XYLT1: variants seen among roughly 807,000 people sequenced by gnomAD.
XYLT1 encodes the protein beta-D-xylosyltransferase 1.
A neutral mutation model predicts 91.3 loss-of-function variants in XYLT1; 36 were observed. The ratio of observed to expected loss-of-function variants is 0.39; its 90% confidence interval spans 0.30 to 0.52. The LOEUF is 0.52. XYLT1 is among the 20% of genes least tolerant of loss of function. The probability of loss-of-function intolerance (pLI) is 0.68; values close to 1 mark genes in which losing one functional copy is unlikely to be tolerated. For synonymous variants in XYLT1, 588 were observed against 532.0 expected (o/e 1.11, Z -1.45); for missense variants, 1,242 against 1,284.5 (o/e 0.97, Z 0.51).
intron 11 of XYLT1, among the ~76,000 whole-genome samples, chr16:17,110,627 A>G (rs78918077): frequency 0.037 from 5,640 of 152,314 alleles, 173 homozygotes; most frequent in Non-Finnish European, 0.058. Flanking sequence ...GAGAACAGAC[A>G]AATACAGCTA....
chr16:17,187,932 C>T (rs1279998474), intron 5 of XYLT1, among the ~76,000 whole-genome samples: 1 of 152,068 alleles, frequency 6.6e-6, no homozygotes, highest in Non-Finnish European at 1.5e-5. Flanking sequence ...CTCCTAAGAT[C>T]CTTGCATCTC....
At chr16:17,270,421 C>T (rs555001091) in intron 2 of XYLT1, among the ~76,000 whole-genome samples, 6 of 152,318 alleles carry the variant, frequency 3.9e-5, no homozygotes, top group Admixed American at 1.3e-4. Flanking sequence ...ACAGTCACAG[C>T]GCTCAGAGCA....
chr16:17,372,158 T>C (rs911244519), intron 1 of XYLT1, among the ~76,000 whole-genome samples: 1 of 152,240 alleles, frequency 6.6e-6, no homozygotes, highest in Non-Finnish European at 1.5e-5. Context: ...ATCCCATCTC[T>C]GCACTTTGCA....
chr16:17,274,256 T>G (rs1396072225), intron 2 of XYLT1, among the ~76,000 whole-genome samples: 2 of 152,240 alleles, frequency 1.3e-5, no homozygotes, highest in Non-Finnish European at 2.9e-5. Flanking sequence ...TTCTTCTTCA[T>G]ACTATTTTAG....
intron 3 of XYLT1, among the ~76,000 whole-genome samples, chr16:17,254,282 A>T (rs987293725): frequency 2.6e-5 from 4 of 152,214 alleles, no homozygotes; most frequent in African/African-American, 9.6e-5. Flanking sequence ...CAACATAAAG[A>T]CAAGGATGAA....
chr16:17,139,192 T>TGG (rs2030885399), intron 7 of XYLT1, among the ~76,000 whole-genome samples: 2 of 151,920 alleles, frequency 1.3e-5, no homozygotes, highest in African/African-American at 4.8e-5. Flanking sequence ...TGCCAGAGAG[T>TGG]GAGAGAAAGA....
At chr16:17,262,147 A>AT (rs1226211738) in intron 2 of XYLT1, among the ~76,000 whole-genome samples, 4 of 152,130 alleles carry the variant, frequency 2.6e-5, no homozygotes, top group Non-Finnish European at 5.9e-5. Flanking sequence ...AATTGGATGT[A>AT]TTTATCTTGC....
At chr16:17,447,275 T>C (rs116002100) in intron 1 of XYLT1, among the ~76,000 whole-genome samples, 6,443 of 152,226 alleles carry the variant, frequency 0.042, 165 homozygotes, top group Middle Eastern at 0.058. Flanking sequence ...GGAAGTCCCC[T>C]GGGTGCCTGT....
At chr16:17,122,876 G>A (rs1394430336) in intron 10 of XYLT1, among the ~76,000 whole-genome samples, 4 of 152,014 alleles carry the variant, frequency 2.6e-5, no homozygotes, top group Non-Finnish European at 5.9e-5. Context: ...GTGCCGTGTT[G>A]AAGATCAGTA....
chr16:17,228,065 G>A (rs942537417), intron 3 of XYLT1: 1 of 152,192 alleles, frequency 6.6e-6, no homozygotes, highest in South Asian at 2.1e-4. Flanking sequence ...ACTGTTGTAG[G>A]TTTGGATCAG....
intron 3 of XYLT1, among the ~76,000 whole-genome samples, chr16:17,203,996 T>G (rs535627288): frequency 5.9e-4 from 90 of 152,334 alleles, no homozygotes; most frequent in African/African-American, 2.2e-3. Flanking sequence ...CCATTGTTAT[T>G]TGACCCTGGG....
chr16:17,298,220 G>A (rs991983897), intron 2 of XYLT1, among the ~76,000 whole-genome samples: 4 of 152,138 alleles, frequency 2.6e-5, no homozygotes, highest in African/African-American at 9.7e-5. Context: ...ACAGCCATGA[G>A]GAGACGGATG....
chr16:17,248,534 A>G (rs558684123), intron 3 of XYLT1, among the ~76,000 whole-genome samples: 1 of 152,238 alleles, frequency 6.6e-6, no homozygotes, highest in South Asian at 2.1e-4. Flanking sequence ...CTTTTTGCTT[A>G]TAGGAAGAGC....
At chr16:17,199,962 C>A (rs1454766509) in intron 4 of XYLT1, among the ~76,000 whole-genome samples, 1 of 152,060 alleles carries the variant, frequency 6.6e-6, no homozygotes, top group South Asian at 2.1e-4. Flanking sequence ...GTGGCTCACA[C>A]CTGTAATCCC....
chr16:17,259,049 G>GT lies in XYLT1; in HGVS notation c.851dup (p.Tyr284Ter). 1 of 1,517,420 alleles carries GT rather than the reference G, an allele frequency of 6.6e-7. No individual in the cohort carries two copies. The highest frequency in any genetic ancestry group is 8.8e-7 in the Non-Finnish European group (1 of 1,133,284). 94.0% of individuals were successfully genotyped at this position (1,517,420 alleles called of 1,614,324 possible). The change falls in exon 3 of 12, where the codon TAC becomes TAAC. Residue 284 changes from tyrosine (Y) to a stop codon, truncating the protein, a stop_gained and frameshift_variant. Transcript: ENST00000261381. LOFTEE classifies it high-confidence loss of function. ...TCAGCAGCCCTAACTTGTGGCGGCA[G>GT]TAAGTCTCCCCAATCTCCTGGCGGC... ...KHCRQEIGETYCRHKLGLLMP... is the reference protein window; with the variant it reads ...KHCRQEIGET
intron 2 of XYLT1, among the ~76,000 whole-genome samples, chr16:17,335,244 CAAAA>C (rs35572877): frequency 6.8e-6 from 1 of 147,312 alleles, no homozygotes; most frequent in Admixed American, 6.8e-5. Context: ...CAATAACAAA[CAAAA>C]AAAAAACTAC....
At chr16:17,144,038 G>T (rs1451937190) in intron 6 of XYLT1, among the ~76,000 whole-genome samples, 1 of 152,188 alleles carries the variant, frequency 6.6e-6, no homozygotes, top group Admixed American at 6.5e-5. Flanking sequence ...TAATTCTCAT[G>T]AAAACCCCAG....
intron 3 of XYLT1, among the ~76,000 whole-genome samples, chr16:17,258,051 C>T (rs1050815139): frequency 1.3e-5 from 2 of 152,054 alleles, no homozygotes; most frequent in Non-Finnish European, 2.9e-5. Flanking sequence ...TGGATCCCTC[C>T]GTGTCTCAGC....
intron 2 of XYLT1, among the ~76,000 whole-genome samples, chr16:17,327,803 C>T (rs991164996): frequency 4.6e-5 from 7 of 152,016 alleles, no homozygotes; most frequent in African/African-American, 1.7e-4. Context: ...AATTCCATCG[C>T]GGTGAGCCAA....
Sources: gnomAD v4.1 joint callset for allele counts (sites outside exome capture counted in the v4.1 genomes callset) on GRCh38, gnomAD v4.1.1 for gene constraint, MANE v1.5 for transcripts, NCBI Gene and HGNC (gene_info 2026-07-23, HGNC 2026-07-21) for gene names.